The following BDKRB2 variants were observed in gnomAD, a reference collection of about 807,000 sequenced individuals.
The protein encoded by BDKRB2 is B2 bradykinin receptor.
BDKRB2 carries 6 observed loss-of-function variants against 4.0 expected under a neutral mutation model. The ratio of observed to expected loss-of-function variants is 1.49; its 90% confidence interval spans 0.81 to 2.93. BDKRB2 has a LOEUF of 2.93. BDKRB2 is among the 30% of genes most tolerant of loss of function. The pLI is 0.00. For missense variants in BDKRB2, 478 were observed against 520.1 expected, an observed-to-expected ratio of 0.92 and a Z score of 0.79; for synonymous variants, 225 against 215.3, an observed-to-expected ratio of 1.05 and a Z score of -0.40.
intron 1 of BDKRB2, among the ~76,000 whole-genome samples, chr14:96,226,228 C>G (rs182934720): frequency 6.6e-6 from 1 of 152,176 alleles, no homozygotes; most frequent in African/African-American, 2.4e-5. Context: ...TTGATGTAAG[C>G]TCCCCACTCT....
At chr14:96,221,872 C>T (rs1260341692) in intron 1 of BDKRB2, among the ~76,000 whole-genome samples, 1 of 151,886 alleles carries the variant, frequency 6.6e-6, no homozygotes, top group Non-Finnish European at 1.5e-5. Context: ...AACAGTTTCC[C>T]ACTCAATCCT....
In BDKRB2 at chr14:96,205,840, G is replaced by C. The variant is rs560257553; in HGVS notation, c.-40+881G>C. On this transcript the variant is annotated intron_variant, in intron 1 of 2. Transcript: ENST00000554311. ...TGGCAGCCGTGATTCGAGTTGCTGA[G>C]AGTAGGTCGTTTCCGCAGCCTGGGT... is the stretch of plus-strand genomic sequence containing the variant. Among the ~76,000 whole-genome samples, 5 of 152,332 alleles carry C rather than the reference G, an allele frequency of 3.3e-5. No individual in the cohort carries two copies. The South Asian group carries it at 1.0e-3, about 32-fold the overall frequency.
intron 1 of BDKRB2, among the ~76,000 whole-genome samples, chr14:96,206,922 C>T (rs1192348812): frequency 1.3e-5 from 2 of 152,076 alleles, no homozygotes; most frequent in African/African-American, 2.4e-5. Flanking sequence ...CTGGTGAGGA[C>T]CTAGTCGTCA....
chr14:96,209,082 G>A (rs1016452304), intron 1 of BDKRB2, among the ~76,000 whole-genome samples: 2 of 152,184 alleles, frequency 1.3e-5, no homozygotes, highest in African/African-American at 4.8e-5. Context: ...GTGGTCTGCC[G>A]GAGAAAGACC....
At chr14:96,238,952 A>T (rs923510557) in intron 2 of BDKRB2, 7 of 985,324 alleles carry the variant, frequency 7.1e-6, no homozygotes, top group African/African-American at 3.5e-5. Context: ...CGCTCAAAAA[A>T]CATTTAAAGG....
At chr14:96,236,956 G>T in intron 1 of BDKRB2, 113 bp from the exon 2 acceptor site, 1 of 695,506 alleles carries the variant, frequency 1.4e-6, no homozygotes, top group South Asian at 1.7e-5. Context: ...CTTCACAAAC[G>T]TCCATTGAGT....
chr14:96,225,717 G>C (rs1890681272), intron 1 of BDKRB2, among the ~76,000 whole-genome samples: 1 of 152,140 alleles, frequency 6.6e-6, no homozygotes, highest in Non-Finnish European at 1.5e-5. Flanking sequence ...CTGCTTGCTG[G>C]GCAGGGCCCA....
intron 2 of BDKRB2, 49 bp from the exon 3 acceptor site, chr14:96,240,354 T>C (rs1388494180): frequency 7.1e-7 from 1 of 1,411,700 alleles, no homozygotes; most frequent in Non-Finnish European, 9.3e-7. Flanking sequence ...GTTTTTGTCC[T>C]TCCCTTGTGA....
At chr14:96,209,038 C>G (rs571291355) in intron 1 of BDKRB2, among the ~76,000 whole-genome samples, 1 of 152,312 alleles carries the variant, frequency 6.6e-6, no homozygotes, top group Admixed American at 6.5e-5. Flanking sequence ...CTCTTCCCTG[C>G]GGGTTTCCTA....
chr14:96,240,715 C>T lies in BDKRB2; in HGVS notation c.387C>T (p.Leu129=). ...TCGACTGGCTCTTTGGGGAGACGCT[C>T]TGCCGCGTGGTGAATGCCATTATCT... ...NNFDWLFGET[L]CRVVNAIISM... Residue 129 remains leucine, a synonymous_variant, in exon 3 of 3, where the codon CTC becomes CTT. Transcript: ENST00000554311. 2 of 1,601,812 alleles carry T rather than the reference C, an allele frequency of 1.2e-6. No homozygotes were observed. The highest frequency in any genetic ancestry group is 1.1e-5 in the South Asian group (1 of 88,434).
rs1239271323 is a variant in BDKRB2, at chr14:96,241,059, C to G, written c.731C>G (p.Thr244Arg). The G allele has an allele frequency of 6.2e-7, 1 of 1,613,638 alleles. No homozygotes were observed. Among genetic ancestry groups the G allele is most frequent in the Non-Finnish European group, 8.5e-7 (1 of 1,179,760 alleles). Reference sequence around the variant, plus strand: ...CCCCTGAGTGTCATCACCTTCTGCACGATGCAGATCATGCAGGTGCTGCGG... The same window carrying G: ...CCCCTGAGTGTCATCACCTTCTGCAGGATGCAGATCATGCAGGTGCTGCGG... ...LLPLSVITFC[T>R]MQIMQVLRNN... The change falls in exon 3 of 3, where the codon ACG becomes AGG. Residue 244 changes from threonine to arginine, a missense_variant. Thr to Arg is a moderately conservative substitution (Grantham distance 71, BLOSUM62 -1). Transcript: ENST00000554311.
chr14:96,230,896 G>A lies in BDKRB2; in HGVS notation c.-39-6173G>A, dbSNP rs151308087. Among the ~76,000 whole-genome samples the A allele has an allele frequency of 2.0e-3, 312 of 152,214 alleles. 2 individuals carry two copies. The highest frequency in any genetic ancestry group is 6.6e-3 in the African/African-American group (276 of 41,538). On this transcript the variant is annotated intron_variant, in intron 1 of 2. Coordinates refer to ENST00000554311, the MANE Select transcript of BDKRB2 (RefSeq NM_001379692.1). ...CTCCCAAAGTGCTGGGATTACAGGC[G>A]TGAGCCACAGCACCCAGCCTAGTTA...
chr14:96,214,237 A>G (rs4905462), intron 1 of BDKRB2, among the ~76,000 whole-genome samples: 113,504 of 152,090 alleles, frequency 0.75, 42,865 homozygotes, highest in East Asian at 0.84. Flanking sequence ...GGTCTGGGCC[A>G]TATCTTCCGG....
At chr14:96,225,336 T>C (rs1196168614) in intron 1 of BDKRB2, among the ~76,000 whole-genome samples, 2 of 152,052 alleles carry the variant, frequency 1.3e-5, no homozygotes, top group African/African-American at 4.8e-5. Context: ...TTCCACCTCT[T>C]TGCTATAGAG....
chr14:96,239,777 C>T, intron 2 of BDKRB2: 1 of 984,248 alleles, frequency 1.0e-6, no homozygotes, highest in Non-Finnish European at 1.2e-6. Flanking sequence ...GGATGTGAAC[C>T]CAGTAGGACT....
chr14:96,236,388 A>G (rs1890934523), intron 1 of BDKRB2, among the ~76,000 whole-genome samples: 1 of 152,018 alleles, frequency 6.6e-6, no homozygotes, highest in Non-Finnish European at 1.5e-5. Context: ...CCAGCCTTTA[A>G]CAGTTCCAGT....
At chr14:96,231,288 T>C (rs1890813398) in intron 1 of BDKRB2, among the ~76,000 whole-genome samples, 1 of 152,210 alleles carries the variant, frequency 6.6e-6, no homozygotes, top group Non-Finnish European at 1.5e-5. Context: ...TACATGTATA[T>C]GTCTGGGATT....
intron 1 of BDKRB2, chr14:96,223,329 C>A: frequency 9.6e-7 from 1 of 1,037,808 alleles, no homozygotes; most frequent in Non-Finnish European, 1.5e-6. Flanking sequence ...GCCCACCACC[C>A]AAGAAGCCAA....
At chr14:96,216,659 G>A (rs2139773034) in intron 1 of BDKRB2, among the ~76,000 whole-genome samples, 2 of 143,146 alleles carry the variant, frequency 1.4e-5, no homozygotes, top group Middle Eastern at 7.2e-3. Flanking sequence ...GAAGAAAGAA[G>A]GAGGAGAAGA....
Sources: gnomAD v4.1 joint callset for allele counts (sites outside exome capture counted in the v4.1 genomes callset) on GRCh38, gnomAD v4.1.1 for gene constraint, MANE v1.5 for transcripts, NCBI Gene and HGNC (gene_info 2026-07-23, HGNC 2026-07-21) for gene names.